The following GPD2 variants were observed in gnomAD, a reference collection of about 807,000 sequenced individuals.
GPD2 encodes glycerol-3-phosphate dehydrogenase, mitochondrial.
In GPD2, 54 loss-of-function variants were observed where a neutral mutation model predicts 82.4. That is an observed-to-expected ratio of 0.66 (90% CI 0.53 to 0.82). GPD2 has a LOEUF of 0.82. Among genes scored for constraint, GPD2 ranks in the 40% least tolerant of loss-of-function variants. GPD2 has a pLI of 0.00. For synonymous variants in GPD2, 288 were observed against 306.1 expected (o/e 0.94, Z 0.62); for missense variants, 748 against 896.2 (o/e 0.83, Z 2.11).
chr2:156,462,137 A>G (rs923133593), intron 1 of GPD2, among the ~76,000 whole-genome samples: 45 of 152,228 alleles, frequency 3.0e-4, no homozygotes, highest in Admixed American at 2.6e-3. Context: ...AAAATATACT[A>G]ATTGTTTCTA....
intron 6 of GPD2, among the ~76,000 whole-genome samples, chr2:156,521,162 C>T (rs1017712763): frequency 2.0e-5 from 3 of 152,104 alleles, no homozygotes; most frequent in African/African-American, 7.2e-5. Flanking sequence ...GGTCTGTTCA[C>T]ATAATGGAGT....
upstream of GPD2, chr2:156,435,552 A>G (rs1318189559): frequency 6.6e-6 from 1 of 151,886 alleles, no homozygotes; most frequent in Non-Finnish European, 1.5e-5. Context: ...ACCTGTGCTC[A>G]GCATTCCACC....
In GPD2 at chr2:156,557,513, A is replaced by G. The variant is rs115865708; in HGVS notation, c.1096A>G (p.Ile366Val). Residue 366 changes from isoleucine to valine, a missense_variant, in exon 9 of 17, where the codon ATT becomes GTT. This residue lies in a region of GPD2 where 692 missense variants were observed against 809.7 expected (regional missense o/e 0.85). Coordinates refer to ENST00000438166, the MANE Select transcript of GPD2 (RefSeq NM_000408.5). ...TCCAACTGATGTTACACACCATCCA[A>G]TTCCTTCAGAAGAAGATATCAACTT... ...DTPTDVTHHP[I>V]PSEEDINFIL... 47 of 1,599,640 alleles carry G rather than the reference A, an allele frequency of 2.9e-5. No individual in the cohort carries two copies. The East Asian group carries it at 3.1e-4, about 11-fold the overall frequency.
intron 3 of GPD2, among the ~76,000 whole-genome samples, chr2:156,510,183 A>G (rs970418941): frequency 2.0e-5 from 3 of 152,150 alleles, no homozygotes; most frequent in African/African-American, 7.2e-5. Context: ...AAGGTTTTAA[A>G]TTAGACTATA....
chr2:156,552,174 C>T (rs374860723), intron 8 of GPD2, among the ~76,000 whole-genome samples: 1 of 152,106 alleles, frequency 6.6e-6, no homozygotes, highest in African/African-American at 2.4e-5. Context: ...GTTTCCTTTG[C>T]GTTTTCAAAA....
At chr2:156,552,122 A>C (rs1428156766) in intron 8 of GPD2, among the ~76,000 whole-genome samples, 1 of 152,222 alleles carries the variant, frequency 6.6e-6, no homozygotes, top group African/African-American at 2.4e-5. Flanking sequence ...TACACTTCTG[A>C]GAAAATCATT....
chr2:156,563,710 G>A (rs1202184038), intron 9 of GPD2, among the ~76,000 whole-genome samples: 1 of 152,118 alleles, frequency 6.6e-6, no homozygotes, highest in Non-Finnish European at 1.5e-5. Context: ...CAATTTCAGT[G>A]AAAGGATGCT....
Position 156,439,521 on chromosome 2 carries a change from AAAAAAAAAAAAAAAAAAAC to A in GPD2, c.-9+3022_-9+3040del, listed in dbSNP as rs1317378495. ...TGCTTGAGACTGTCTCAGAAAAAAA[AAAAAAAAAAAAAAAAAAAC>A]AAAAAAAAAAAAACAAGCCAGGCAG... On this transcript the variant is annotated intron_variant, in intron 1 of 16. Transcript: ENST00000438166. Among the ~76,000 whole-genome samples the A allele has an allele frequency of 1.2e-3, 107 of 87,896 alleles. 1 individual carries two copies. Among genetic ancestry groups the A allele is most frequent in the South Asian group, 6.3e-3 (14 of 2,226 alleles). The allele number at this position is 87,896 out of a possible 152,430, so 57.7% of individuals were successfully genotyped here.
chr2:156,493,016 G>A (rs892492639), intron 2 of GPD2, among the ~76,000 whole-genome samples: 21 of 152,142 alleles, frequency 1.4e-4, no homozygotes, highest in Admixed American at 4.6e-4. Context: ...AATTATTGTG[G>A]TATAAAGGAT....
chr2:156,501,187 G>A (rs1047706651), intron 3 of GPD2, among the ~76,000 whole-genome samples: 3 of 151,994 alleles, frequency 2.0e-5, no homozygotes, highest in African/African-American at 7.2e-5. Context: ...AAGATCTGAT[G>A]TATAAAATTT....
intron 16 of GPD2, among the ~76,000 whole-genome samples, chr2:156,580,775 T>G (rs947867837): frequency 6.6e-6 from 1 of 152,192 alleles, no homozygotes; most frequent in African/African-American, 2.4e-5. Context: ...TGCAGAAAAT[T>G]TTCACAGGTT....
chr2:156,561,913 C>A (rs1319590704), intron 9 of GPD2, among the ~76,000 whole-genome samples: 1 of 152,144 alleles, frequency 6.6e-6, no homozygotes, highest in Non-Finnish European at 1.5e-5. Flanking sequence ...GGGAATAAGA[C>A]CATGTCTTCT....
chr2:156,531,971 A>G (rs1284560485), intron 6 of GPD2, among the ~76,000 whole-genome samples: 1 of 150,458 alleles, frequency 6.6e-6, no homozygotes, highest in Non-Finnish European at 1.5e-5. Context: ...ATGTTAATAA[A>G]TATATAATAT....
the GPD2 span, among the ~76,000 whole-genome samples, chr2:156,417,991 C>A: frequency 6.6e-6 from 1 of 151,970 alleles, no homozygotes; most frequent in Non-Finnish European, 1.5e-5. Context: ...CCGAGGTGGG[C>A]GGATCACGAG....
chr2:156,557,264 A>G (rs1197024681), intron 8 of GPD2, 125 bp from the exon 9 acceptor site: 30 of 719,294 alleles, frequency 4.2e-5, no homozygotes, highest in Non-Finnish European at 6.9e-5. Context: ...GGGGAAGTGC[A>G]AGTAATAGTT....
At position 156,452,434 on chromosome 2, in the gene GPD2, A is replaced by G. The variant is rs376995656; in HGVS notation, c.-9+15921A>G. Among the ~76,000 whole-genome samples, 104 of 152,384 alleles carry G rather than the reference A, an allele frequency of 6.8e-4. 2 individuals carry two copies. In the South Asian group the frequency reaches 0.019, roughly 28 times the overall value. The stretch of plus-strand genomic sequence containing the variant: ...TCAGGCGCGGCGGCGCGCACCTGCA[A>G]TCGCAGGCTGAGGCAGGAGAATCAG... On this transcript the variant is annotated intron_variant, in intron 1 of 16. Transcript: ENST00000438166.
chr2:156,575,864 C>T (rs987459880), intron 13 of GPD2, among the ~76,000 whole-genome samples: 3 of 152,176 alleles, frequency 2.0e-5, no homozygotes, highest in East Asian at 1.9e-4. Flanking sequence ...GGTAGTAAGT[C>T]ATAAGCACCT....
intron 16 of GPD2, among the ~76,000 whole-genome samples, chr2:156,580,085 G>A (rs1166604155): frequency 2.0e-5 from 3 of 152,120 alleles, no homozygotes; most frequent in Non-Finnish European, 4.4e-5. Context: ...TTTTAAAGAC[G>A]TATGCCATGG....
At chr2:156,430,528 C>T (rs1688305412), upstream of GPD2, among the ~76,000 whole-genome samples, 1 of 152,230 alleles carries the variant, frequency 6.6e-6, no homozygotes, top group Admixed American at 6.5e-5. Context: ...GAAGAACTTA[C>T]AAGAGATGAC....
Sources: allele counts gnomAD v4.1 joint callset (sites outside exome capture counted in the v4.1 genomes callset), GRCh38; gene constraint gnomAD v4.1.1; regional missense constraint gnomAD v4.1.1; transcripts MANE v1.5; gene names NCBI Gene and HGNC (gene_info 2026-07-23, HGNC 2026-07-21).